STARD8: variants seen among roughly 807,000 people sequenced by gnomAD.
STARD8 encodes StAR related lipid transfer domain containing 8, also known as stAR-related lipid transfer protein 8.
STARD8 carries 25 observed loss-of-function variants against 69.4 expected under a neutral mutation model. That is an observed-to-expected ratio of 0.36 (90% CI 0.26 to 0.50). The LOEUF is 0.50. STARD8 is among the 20% of genes least tolerant of loss of function. The pLI, the probability that STARD8 is intolerant of heterozygous loss-of-function variation, is 0.96. For missense variants in STARD8, 921 were observed against 932.5 expected, an observed-to-expected ratio of 0.99 and a Z score of 0.16; for synonymous variants, 389 against 374.6, an observed-to-expected ratio of 1.04 and a Z score of -0.45.
chrX:68,701,288 G>C (rs1353160015), intron 2 of STARD8, among the ~76,000 whole-genome samples: 1 of 112,937 alleles, frequency 8.9e-6, no homozygotes, highest in Non-Finnish European at 1.9e-5. Context: ...TGCTATCTTT[G>C]TCTCTCTTTT....
chrX:68,718,659 G>A (rs779435265), intron 6 of STARD8, 30 bp downstream of exon 6: 11 of 1,152,024 alleles, frequency 9.5e-6, no homozygotes, highest in Non-Finnish European at 8.1e-6. Context: ...TGGGGCGGAC[G>A]CAGGGTCTCC....
intron 1 of STARD8, among the ~76,000 whole-genome samples, chrX:68,652,797 C>T (rs1602533365): frequency 8.6e-5 from 5 of 58,246 alleles, no homozygotes; most frequent in African/African-American, 6.7e-5. Flanking sequence ...CACACACACA[C>T]CACACACCAC....
intron 5 of STARD8, 26 bp from the exon 6 acceptor site, chrX:68,717,186 A>C (rs1368495798): frequency 2.6e-6 from 3 of 1,160,172 alleles, no homozygotes; most frequent in African/African-American, 1.8e-5. Context: ...GGCTTCTCTG[A>C]CCTGATCCTG....
intron 2 of STARD8, among the ~76,000 whole-genome samples, chrX:68,693,471 G>A (rs2079891993): frequency 8.9e-6 from 1 of 112,771 alleles, no homozygotes; most frequent in Non-Finnish European, 1.9e-5. Context: ...TGTGACCGGA[G>A]GGAAAGGCAG....
chrX:68,673,786 A>G (rs1397023974), intron 2 of STARD8, among the ~76,000 whole-genome samples: 1 of 111,675 alleles, frequency 9.0e-6, no homozygotes, highest in Non-Finnish European at 1.9e-5. Context: ...CACATAGTCT[A>G]TTTACCAAAA....
At chrX:68,721,446 C>A (rs1307914222) in intron 9 of STARD8, 90 bp from the exon 10 acceptor site, 2 of 999,788 alleles carry the variant, frequency 2.0e-6, no homozygotes, top group Non-Finnish European at 2.8e-6. Context: ...CTTGGGACTG[C>A]TGTGCCTTTT....
intron 2 of STARD8, among the ~76,000 whole-genome samples, chrX:68,689,547 A>T (rs1390979951): frequency 8.9e-6 from 1 of 112,444 alleles, no homozygotes; most frequent in Admixed American, 9.3e-5. Flanking sequence ...ATCCAGCTCC[A>T]CCTGCCCAGT....
At chrX:68,693,701 A>G in intron 2 of STARD8, 1 of 754,639 alleles carries the variant, frequency 1.3e-6, no homozygotes, top group Non-Finnish European at 1.6e-6. Context: ...TCTGGCTGGC[A>G]CCGTCACCCC....
chrX:68,690,391 C>T (rs962003811), intron 2 of STARD8, among the ~76,000 whole-genome samples: 5 of 108,377 alleles, frequency 4.6e-5, no homozygotes, highest in African/African-American at 1.7e-4. Flanking sequence ...GGGCATGGGT[C>T]TGCCAGCAGC....
chrX:68,722,912 G>A (rs939857643), intron 12 of STARD8, among the ~76,000 whole-genome samples: 15 of 112,817 alleles, frequency 1.3e-4, no homozygotes, highest in Non-Finnish European at 1.3e-4. Flanking sequence ...TGCTTTGATA[G>A]CCTCAACTCC....
chrX:68,724,411 A>G lies in STARD8; in HGVS notation c.3301A>G (p.Thr1101Ala), dbSNP rs757866199. 1 of 1,202,918 alleles carries G rather than the reference A, an allele frequency of 8.3e-7. No individual in the cohort carries two copies. The highest frequency in any genetic ancestry group is 1.1e-6 in the Non-Finnish European group (1 of 890,733). ...CACCCTGCAGGCAGCGGGCCCTGAG[A>G]CAAAGCTGTGAGCCTTGGGCTGGTC... Reference protein sequence around the residue: ...FPTLQAAGPETKL With the variant: ...FPTLQAAGPEAKL The change falls in exon 15 of 15, where the codon ACA (threonine) becomes GCA (alanine). Residue 1101 changes from threonine to alanine, a missense_variant. Physicochemically the swap from Thr to Ala is moderately conservative, Grantham distance 58 (BLOSUM62 0). Coordinates refer to ENST00000374599, the MANE Select transcript of STARD8 (RefSeq NM_001142503.3).
intron 4 of STARD8, 67 bp downstream of exon 4, chrX:68,715,442 A>T (rs1467596007): frequency 2.1e-6 from 2 of 971,216 alleles, no homozygotes; most frequent in Admixed American, 3.1e-5. Context: ...GTGGAAAAAA[A>T]CATCCCTTGT....
intron 1 of STARD8, among the ~76,000 whole-genome samples, chrX:68,661,956 CTCT>C (rs2079649437): frequency 1.3e-5 from 1 of 74,760 alleles, no homozygotes; most frequent in African/African-American, 8.7e-5. Context: ...CTCTCTCTCT[CTCT>C]CTCTCTCTCT....
intron 2 of STARD8, among the ~76,000 whole-genome samples, chrX:68,688,227 C>G (rs2079847883): frequency 8.9e-6 from 1 of 112,016 alleles, no homozygotes; most frequent in Non-Finnish European, 1.9e-5. Context: ...CCTCAACCAA[C>G]CAAACACATC....
At chrX:68,705,381 C>G (rs1338511515) in intron 2 of STARD8, among the ~76,000 whole-genome samples, 2 of 112,419 alleles carry the variant, frequency 1.8e-5, no homozygotes, top group African/African-American at 6.5e-5. Flanking sequence ...GCTCGTGACT[C>G]TCCCTCATTT....
At chrX:68,689,483 G>A (rs36041744) in intron 2 of STARD8, among the ~76,000 whole-genome samples, 3 of 111,959 alleles carry the variant, frequency 2.7e-5, no homozygotes, top group Non-Finnish European at 5.7e-5. Context: ...ACTGGTGTTG[G>A]TTGAGGAGAG....
At chrX:68,660,390 C>T (rs1225755370) in intron 1 of STARD8, among the ~76,000 whole-genome samples, 1 of 111,790 alleles carries the variant, frequency 8.9e-6, no homozygotes, top group Admixed American at 9.4e-5. Context: ...ACCAGCTCTC[C>T]TCTGCCCTTT....
chrX:68,690,129 C>T (rs765786000), intron 2 of STARD8, among the ~76,000 whole-genome samples: 2 of 110,097 alleles, frequency 1.8e-5, no homozygotes, highest in East Asian at 2.9e-4. Flanking sequence ...AGGGAGCAGG[C>T]TTCGTTGAGG....
At chrX:68,677,150 A>G (rs2079770468) in intron 2 of STARD8, among the ~76,000 whole-genome samples, 1 of 110,837 alleles carries the variant, frequency 9.0e-6, no homozygotes, top group Non-Finnish European at 1.9e-5. Context: ...TGTCTCAAAA[A>G]AATTAAAAAA....
Sources: allele counts gnomAD v4.1 joint callset (sites outside exome capture counted in the v4.1 genomes callset), GRCh38; gene constraint gnomAD v4.1.1; transcripts MANE v1.5; gene names NCBI Gene and HGNC (gene_info 2026-07-23, HGNC 2026-07-21).